Variants in KCNJ3 observed in about 807,000 individuals in gnomAD.
KCNJ3 encodes the protein G protein-activated inward rectifier potassium channel 1.
Under a neutral mutation model 39.2 loss-of-function variants are expected in KCNJ3, and 4 were observed. That is an observed-to-expected ratio of 0.10 (90% confidence interval 0.05 to 0.23). KCNJ3 has a LOEUF of 0.23. KCNJ3 is among the 10% of genes least tolerant of loss of function. KCNJ3 has a pLI of 1.00. For synonymous variants in KCNJ3, 230 were observed against 237.4 expected, an observed-to-expected ratio of 0.97 and a Z score of 0.29; for missense variants, 276 against 634.9, an observed-to-expected ratio of 0.43 and a Z score of 6.08.
chr2:154,779,788 C>T (rs2105202428), intron 2 of KCNJ3, among the ~76,000 whole-genome samples: 1 of 152,096 alleles, frequency 6.6e-6, no homozygotes, highest in East Asian at 1.9e-4. Flanking sequence ...CTGATCCGCC[C>T]ACCTTGGCCT....
intron 2 of KCNJ3, among the ~76,000 whole-genome samples, chr2:154,754,610 A>C (rs1685906809): frequency 6.6e-6 from 1 of 152,200 alleles, no homozygotes; most frequent in Non-Finnish European, 1.5e-5. Flanking sequence ...AATATATGGC[A>C]TAATATCCTT....
At chr2:154,767,171 T>C (rs1166192810) in intron 2 of KCNJ3, among the ~76,000 whole-genome samples, 1 of 151,226 alleles carries the variant, frequency 6.6e-6, no homozygotes, top group Non-Finnish European at 1.5e-5. Context: ...TGCTAACTGC[T>C]AGTACATTCT....
chr2:154,793,202 T>C (rs1000924656), intron 2 of KCNJ3, among the ~76,000 whole-genome samples: 2 of 152,078 alleles, frequency 1.3e-5, no homozygotes, highest in African/African-American at 2.4e-5. Context: ...AAAGATTATA[T>C]TATATTGGCG....
chr2:154,779,548 T>C (rs967384841), intron 2 of KCNJ3, among the ~76,000 whole-genome samples: 7 of 147,440 alleles, frequency 4.7e-5, no homozygotes, highest in Admixed American at 1.4e-4. Flanking sequence ...TATATATTTA[T>C]ATATATAATT....
At chr2:154,780,050 A>G (rs1346731492) in intron 2 of KCNJ3, among the ~76,000 whole-genome samples, 2 of 152,196 alleles carry the variant, frequency 1.3e-5, no homozygotes, top group African/African-American at 2.4e-5. Context: ...TATGTCATGT[A>G]CTGTGGGAAT....
At chr2:154,836,219 CA>C (rs367802062) in intron 2 of KCNJ3, among the ~76,000 whole-genome samples, 68,502 of 117,930 alleles carry the variant, frequency 0.58, 17,973 homozygotes, top group East Asian at 0.67. Flanking sequence ...AAAAAAAAAA[CA>C]AAAAAAAACA....
At chr2:154,717,102 GGT>G (rs1291795217) in intron 2 of KCNJ3, among the ~76,000 whole-genome samples, 1 of 152,196 alleles carries the variant, frequency 6.6e-6, no homozygotes, top group Non-Finnish European at 1.5e-5. Flanking sequence ...CTGAGAACAT[GGT>G]GTGAACTGAA....
chr2:154,760,317 T>C (rs976517311), intron 2 of KCNJ3, among the ~76,000 whole-genome samples: 1 of 152,328 alleles, frequency 6.6e-6, no homozygotes, highest in East Asian at 1.9e-4. Flanking sequence ...TTGTAGGAGA[T>C]AGTCATTTTT....
intron 2 of KCNJ3, among the ~76,000 whole-genome samples, chr2:154,833,471 CA>C (rs1341728214): frequency 6.6e-6 from 1 of 152,160 alleles, no homozygotes; most frequent in African/African-American, 2.4e-5. Context: ...ATCTCTACTC[CA>C]GCTTCTCACA....
rs566668361 is a variant in KCNJ3, at chr2:154,821,100, A to G, written c.920-33627A>G. ...TCCATGCTCAAATTCCTTGTCTCTT[A>G]TCAGTACTAGCCCAGTCAAGCTGGC... is the stretch of plus-strand genomic sequence containing the variant. On this transcript the variant is annotated intron_variant, in intron 2 of 2. Transcript: ENST00000295101. Among the ~76,000 whole-genome samples, 16 of 152,202 alleles carry G rather than the reference A, an allele frequency of 1.1e-4. No individual in the cohort carries two copies. In the South Asian group the frequency reaches 3.1e-3, roughly 30 times the overall value.
intron 2 of KCNJ3, among the ~76,000 whole-genome samples, chr2:154,752,989 A>G (rs1253525694): frequency 1.3e-5 from 2 of 152,058 alleles, no homozygotes; most frequent in East Asian, 3.8e-4. Context: ...ATATTGATCA[A>G]TCTTTAGGTA....
At chr2:154,824,070 C>T (rs991387331) in intron 2 of KCNJ3, among the ~76,000 whole-genome samples, 1 of 152,148 alleles carries the variant, frequency 6.6e-6, no homozygotes, top group Non-Finnish European at 1.5e-5. Flanking sequence ...TAGTGTGGCT[C>T]ACACCTGTAA....
rs1389642732 is a variant in KCNJ3 at position 154,857,632 on chromosome 2, G to A, written c.*2319G>A. On this transcript the variant is annotated 3_prime_UTR_variant, in exon 3 of 3. Transcript: ENST00000295101. Reference sequence around the variant, plus strand: ...TCAGTGGCTCACGCCTGTAATCCCAGTACTTTGGGAGGCGGAGGTTGGGGG... The same window carrying A: ...TCAGTGGCTCACGCCTGTAATCCCAATACTTTGGGAGGCGGAGGTTGGGGG... 1 of 152,138 alleles carries A rather than the reference G, an allele frequency of 6.6e-6. No individual in the cohort carries two copies. Among genetic ancestry groups the A allele is most frequent in the East Asian group, 1.9e-4 (1 of 5,178 alleles). The allele number at this position is 152,138 out of a possible 1,614,324, so 9.4% of individuals were successfully genotyped here. A position where few individuals can be genotyped will look rare whatever the true frequency, so the allele number is the denominator to read the frequency against.
chr2:154,798,367 C>CAACCTCAATCAA, intron 2 of KCNJ3, among the ~76,000 whole-genome samples: 1 of 152,124 alleles, frequency 6.6e-6, no homozygotes, highest in Non-Finnish European at 1.5e-5. Context: ...AAATTGAGTG[C>CAACCTCAATCAA]AATCTCAATC....
At chr2:154,759,797 T>G (rs917827810) in intron 2 of KCNJ3, among the ~76,000 whole-genome samples, 1 of 152,176 alleles carries the variant, frequency 6.6e-6, no homozygotes, top group Non-Finnish European at 1.5e-5. Flanking sequence ...TTCATTGTAT[T>G]TTTCAAAAAA....
chr2:154,705,541 G>A (rs1292168049), intron 1 of KCNJ3, among the ~76,000 whole-genome samples: 1 of 152,058 alleles, frequency 6.6e-6, no homozygotes, highest in Non-Finnish European at 1.5e-5. Context: ...AAGTTCAAAG[G>A]CCTTTGACTT....
chr2:154,744,040 T>C (rs879666380), intron 2 of KCNJ3, among the ~76,000 whole-genome samples: 1 of 151,718 alleles, frequency 6.6e-6, no homozygotes, highest in African/African-American at 2.4e-5. Flanking sequence ...GTTTTTATTA[T>C]GAATGGATAT....
intron 2 of KCNJ3, among the ~76,000 whole-genome samples, chr2:154,731,269 G>A (rs2105167438): frequency 6.6e-6 from 1 of 152,084 alleles, no homozygotes; most frequent in East Asian, 1.9e-4. Context: ...AAAAATAAGA[G>A]GTGGAGTTGC....
chr2:154,819,865 A>C (rs1316711011), intron 2 of KCNJ3, among the ~76,000 whole-genome samples: 1 of 152,070 alleles, frequency 6.6e-6, no homozygotes, highest in South Asian at 2.1e-4. Context: ...CTTAAGTTTA[A>C]GTTTAACATG....
Sources: allele counts gnomAD v4.1 joint callset (sites outside exome capture counted in the v4.1 genomes callset), GRCh38; gene constraint gnomAD v4.1.1; transcripts MANE v1.5; gene names NCBI Gene and HGNC (gene_info 2026-07-23, HGNC 2026-07-21).